DLG2: variants seen among roughly 807,000 people sequenced by gnomAD.
DLG2 encodes disks large homolog 2.
Under a neutral mutation model 132.5 loss-of-function variants are expected in DLG2, and 45 were observed. The ratio of observed to expected loss-of-function variants is 0.34; its 90% CI spans 0.27 to 0.44. The LOEUF is 0.44. Ranked by LOEUF, DLG2 falls within the 20% of genes least tolerant of loss-of-function variation. The probability of loss-of-function intolerance (pLI) is 1.00; values close to 1 mark genes in which losing one functional copy is unlikely to be tolerated. For synonymous variants in DLG2, 424 were observed against 419.6 expected, an observed-to-expected ratio of 1.01 and a Z score of -0.13; for missense variants, 1,045 against 1,196.9, an observed-to-expected ratio of 0.87 and a Z score of 1.87.
At chr11:84,508,681 T>C (rs1011770429) in intron 7 of DLG2, among the ~76,000 whole-genome samples, 3 of 152,206 alleles carry the variant, frequency 2.0e-5, no homozygotes, top group African/African-American at 7.2e-5. Context: ...ATTACAAGCA[T>C]GAGACACCGT....
intron 7 of DLG2, among the ~76,000 whole-genome samples, chr11:84,457,043 C>A (rs976749475): frequency 2.0e-5 from 3 of 151,144 alleles, no homozygotes; most frequent in African/African-American, 7.3e-5. Flanking sequence ...ACTTACTTTG[C>A]AAAACAACAG....
At chr11:84,433,988 C>T (rs1315917056) in intron 7 of DLG2, among the ~76,000 whole-genome samples, 1 of 151,764 alleles carries the variant, frequency 6.6e-6, no homozygotes, top group East Asian at 1.9e-4. Flanking sequence ...CATATTGACA[C>T]ACACATGTGT....
At chr11:83,664,796 C>G (rs1414301984) in intron 18 of DLG2, among the ~76,000 whole-genome samples, 1 of 152,104 alleles carries the variant, frequency 6.6e-6, no homozygotes, top group Non-Finnish European at 1.5e-5. Flanking sequence ...CTAAAGATTC[C>G]AAGTTTCTCA....
At chr11:83,958,233 G>A (rs1456502227) in intron 14 of DLG2, among the ~76,000 whole-genome samples, 7 of 152,112 alleles carry the variant, frequency 4.6e-5, no homozygotes, top group South Asian at 2.1e-4. Flanking sequence ...TCTATAATTC[G>A]GAGACAATAG....
intron 18 of DLG2, among the ~76,000 whole-genome samples, chr11:83,651,012 T>C (rs775537097): frequency 2.6e-5 from 4 of 152,232 alleles, no homozygotes; most frequent in African/African-American, 9.6e-5. Flanking sequence ...TTCATCTTAC[T>C]TACTCTATAC....
chr11:83,691,695 A>G (rs1417908569), intron 18 of DLG2, among the ~76,000 whole-genome samples: 1 of 152,170 alleles, frequency 6.6e-6, no homozygotes, highest in Non-Finnish European at 1.5e-5. Flanking sequence ...GATACTCTGC[A>G]TATGCTTTGC....
chr11:84,666,315 C>G (rs1304803027), intron 6 of DLG2, among the ~76,000 whole-genome samples: 3 of 152,122 alleles, frequency 2.0e-5, no homozygotes, highest in South Asian at 2.1e-4. Flanking sequence ...TATCTAATAG[C>G]CTTCGAACTG....
At chr11:84,480,317 C>G (rs1185126632) in intron 7 of DLG2, among the ~76,000 whole-genome samples, 1 of 152,040 alleles carries the variant, frequency 6.6e-6, no homozygotes, top group African/African-American at 2.4e-5. Flanking sequence ...TGAGAGGTGT[C>G]AGTATGTATG....
chr11:83,789,956 G>C lies in DLG2; in HGVS notation c.1723-3164C>G, dbSNP rs1247638395. 3.1e-6 allele frequency: 4 copies of C among 1,278,122 alleles called. No homozygotes were observed. In the African/African-American group the frequency reaches 4.6e-5, roughly 15 times the overall value. The allele number at this position is 1,278,122 out of a possible 1,614,324, so 79.2% of individuals were successfully genotyped here. A position where few individuals can be genotyped will look rare whatever the true frequency, so the allele number is the denominator to read the frequency against. Reference sequence around the variant, plus strand: ...TCTTATTCCCAAAGTGCAAGATGCAGGGTTCTCAGTCTTTCAGTAGTGCTT... The same window carrying C: ...TCTTATTCCCAAAGTGCAAGATGCACGGTTCTCAGTCTTTCAGTAGTGCTT... On this transcript the variant is annotated intron_variant, in intron 17 of 27. Transcript: ENST00000376104.
At chr11:84,039,194 G>C (rs964785928) in intron 11 of DLG2, among the ~76,000 whole-genome samples, 1 of 150,540 alleles carries the variant, frequency 6.6e-6, no homozygotes, top group Non-Finnish European at 1.5e-5. Flanking sequence ...ATTTATTTCA[G>C]CTCCTCATTT....
At chr11:84,356,545 C>T (rs758357804) in intron 7 of DLG2, among the ~76,000 whole-genome samples, 3 of 151,930 alleles carry the variant, frequency 2.0e-5, no homozygotes, top group Non-Finnish European at 2.9e-5. Context: ...TGGCTGTGTG[C>T]CTTATTCTCT....
chr11:84,504,212 T>C (rs1212059991), intron 7 of DLG2, among the ~76,000 whole-genome samples: 1 of 152,192 alleles, frequency 6.6e-6, no homozygotes, highest in Non-Finnish European at 1.5e-5. Flanking sequence ...AGTTTTAAAC[T>C]CATTTTTTTT....
chr11:84,342,239 C>A lies in DLG2; in HGVS notation c.520-90948G>T, dbSNP rs563544318. On this transcript the variant is annotated intron_variant, in intron 7 of 27. Transcript: ENST00000376104. ...CTAACAATCAGACTCTAGATCCCAACTGGGGAGAAATGTGAATTCCACCCA... is the reference window on the plus strand; with the variant it reads ...CTAACAATCAGACTCTAGATCCCAAATGGGGAGAAATGTGAATTCCACCCA... Among the ~76,000 whole-genome samples, 4 of 152,212 alleles carry A rather than the reference C, an allele frequency of 2.6e-5. No individual in the cohort carries two copies. In the East Asian group the frequency reaches 5.8e-4, roughly 22 times the overall value.
In DLG2 at chr11:84,888,013, A is replaced by C. The variant is rs568380769; in HGVS notation, c.357+223648T>G. ...AGTTTCTCAGAAATAATGTTGTAAT[A>C]AACAACAACAACAACAATACTGTGG... is the stretch of plus-strand genomic sequence containing the variant. On this transcript the variant is annotated intron_variant, in intron 6 of 27. Coordinates refer to ENST00000376104, the MANE Select transcript of DLG2 (RefSeq NM_001142699.3). Among the ~76,000 whole-genome samples, 5 of 152,256 alleles carry C rather than the reference A, an allele frequency of 3.3e-5. No homozygotes were observed. The East Asian group carries it at 9.7e-4, about 29-fold the overall frequency.
chr11:85,432,169 G>T (rs1338734604), intron 3 of DLG2, among the ~76,000 whole-genome samples: 2 of 152,160 alleles, frequency 1.3e-5, no homozygotes, highest in African/African-American at 4.8e-5. Flanking sequence ...CTCATGCAAG[G>T]ATCAGCAGCC....
intron 6 of DLG2, among the ~76,000 whole-genome samples, chr11:84,934,529 T>G (rs1473198164): frequency 2.3e-5 from 3 of 130,244 alleles, no homozygotes; most frequent in Non-Finnish European, 3.3e-5. Flanking sequence ...TGTTTTGTTT[T>G]TTTTTTTTTT....
intron 4 of DLG2, among the ~76,000 whole-genome samples, chr11:85,254,759 G>A (rs2076578064): frequency 6.6e-6 from 1 of 152,134 alleles, no homozygotes; most frequent in South Asian, 2.1e-4. Context: ...CCAGCACTCT[G>A]GGAGGCTGAG....
chr11:83,564,204 A>G (rs2096663310), intron 19 of DLG2, among the ~76,000 whole-genome samples: 1 of 152,076 alleles, frequency 6.6e-6, no homozygotes, highest in African/African-American at 2.4e-5. Context: ...AAGGTAAGGT[A>G]TTAGTTAGGG....
chr11:83,472,998 C>A (rs1458823871), intron 22 of DLG2, among the ~76,000 whole-genome samples: 2 of 152,186 alleles, frequency 1.3e-5, no homozygotes, highest in African/African-American at 4.8e-5. Context: ...TGGTTGCTAG[C>A]TATTTGCTGC....
Sources: allele counts gnomAD v4.1 joint callset (sites outside exome capture counted in the v4.1 genomes callset), GRCh38; gene constraint gnomAD v4.1.1; transcripts MANE v1.5; gene names NCBI Gene and HGNC (gene_info 2026-07-23, HGNC 2026-07-21).